Variants in CCSER2 observed in about 807,000 individuals in gnomAD.
CCSER2 encodes coiled-coil serine rich protein 2.
In CCSER2, 46 loss-of-function variants were observed where a neutral mutation model predicts 92.3. That is an observed-to-expected ratio of 0.50 (90% CI 0.39 to 0.64). The LOEUF is 0.64. Ranked by LOEUF, CCSER2 falls within the 30% of genes least tolerant of loss-of-function variation. The pLI is 0.00. For missense variants in CCSER2, 1,244 were observed against 1,238.9 expected (o/e 1.00, Z -0.06); for synonymous variants, 433 against 431.4 (o/e 1.00, Z -0.04).
rs1055026573 is a variant in CCSER2, at chr10:84,371,738, A to T, written c.686A>T (p.Gln229Leu). The T allele has an allele frequency of 6.2e-7, 1 of 1,613,600 alleles. No homozygotes were observed. Among genetic ancestry groups the T allele is most frequent in the African/African-American group, 1.3e-5 (1 of 75,038 alleles). The change falls in exon 2 of 10, where the codon CAG becomes CTG. Residue 229 changes from glutamine (Q) to leucine (L), a missense_variant. Gln to Leu is a moderately radical substitution (Grantham distance 113). Transcript: ENST00000372088. ...VRSQSFSHSI[Q>L]NSFLPPSSIT... ...TCACAAAGTTTTTCACATTCCATTC[A>T]GAATTCATTCCTTCCACCTTCATCT...
chr10:84,424,876 C>A, intron 4 of CCSER2: 1 of 337,270 alleles, frequency 3.0e-6, no homozygotes, highest in Non-Finnish European at 4.2e-6. Context: ...AGTCACAGGG[C>A]AAACTGGGCT....
Position 84,371,849 on chromosome 10 carries a change from G to A in CCSER2, c.797G>A (p.Arg266Gln), listed in dbSNP as rs769241896. ...CAGCTATCCATTAGAGTGCCTCTAC[G>A]GTCAAGTATGCTAACAAGAAATTCC... Reference protein sequence around the residue: ...NQQLSIRVPLRSSMLTRNSRQ... With the variant: ...NQQLSIRVPLQSSMLTRNSRQ... Residue 266 changes from arginine to glutamine, a missense_variant, in exon 2 of 10, where the codon CGG (arginine) becomes CAG (glutamine). Arg to Gln is a conservative substitution (Grantham distance 43). Coordinates refer to ENST00000372088, the MANE Select transcript of CCSER2 (RefSeq NM_001284240.2). 1.2e-6 allele frequency: 2 copies of A among 1,613,826 alleles called. No individual in the cohort carries two copies. Among genetic ancestry groups the A allele is most frequent in the East Asian group, 2.2e-5 (1 of 44,880 alleles).
intron 3 of CCSER2, among the ~76,000 whole-genome samples, chr10:84,415,107 G>A (rs1205588435): frequency 3.3e-5 from 5 of 152,236 alleles, no homozygotes; most frequent in East Asian, 1.9e-4. Context: ...TTAGCTCAGC[G>A]AAGTTTGTTG....
chr10:84,359,457 A>G (rs1250199945), intron 1 of CCSER2, among the ~76,000 whole-genome samples: 1 of 152,244 alleles, frequency 6.6e-6, no homozygotes, highest in East Asian at 1.9e-4. Flanking sequence ...AGGCTTTATT[A>G]AAACAAGATC....
At chr10:84,455,982 A>T in intron 6 of CCSER2, 1 of 596,766 alleles carries the variant, frequency 1.7e-6, no homozygotes, top group Non-Finnish European at 3.2e-6. Context: ...GGCATCACGT[A>T]CTCCTTTCCT....
chr10:84,451,877 TA>T (rs1427183476), intron 6 of CCSER2, among the ~76,000 whole-genome samples: 1 of 152,222 alleles, frequency 6.6e-6, no homozygotes, highest in Non-Finnish European at 1.5e-5. Context: ...TCAGATTTTA[TA>T]AGTCAGTGTT....
At chr10:84,390,884 T>C in intron 3 of CCSER2, 1 of 680,842 alleles carries the variant, frequency 1.5e-6, no homozygotes, top group African/African-American at 1.8e-5. Context: ...TCTAAGACCT[T>C]AACATGTATC....
chr10:84,481,179 G>A lies in CCSER2; in HGVS notation c.2325+3515G>A, dbSNP rs970069973. Among the ~76,000 whole-genome samples, 12 of 152,182 alleles carry A rather than the reference G, an allele frequency of 7.9e-5. No homozygotes were observed. The East Asian group carries it at 2.3e-3, about 29-fold the overall frequency. ...AAACGAGGAAATACAAGGGCAGGAG[G>A]GTTACCCCTTGTGCCCCACACTATC... On this transcript the variant is annotated intron_variant, in intron 9 of 9. Coordinates refer to ENST00000372088, the MANE Select transcript of CCSER2 (RefSeq NM_001284240.2).
rs767131060 is a variant in CCSER2 at position 84,373,682 on chromosome 10, G to A, written c.1481G>A (p.Arg494Lys). Reference sequence around the variant, plus strand: ...TTGGTTTCACCAGATACAGACTACAGAGCTGGTTCTTCGTTTGAACTCTCT... The same window carrying A: ...TTGGTTTCACCAGATACAGACTACAAAGCTGGTTCTTCGTTTGAACTCTCT... The part of the protein sequence containing the change: ...NNLVSPDTDY[R>K]AGSSFELSPS... Residue 494 changes from arginine (R) to lysine (K), a missense_variant, in exon 3 of 10, where the codon AGA (arginine) becomes AAA (lysine). Coordinates refer to ENST00000372088, the MANE Select transcript of CCSER2 (RefSeq NM_001284240.2). 1 of 1,613,590 alleles carries A rather than the reference G, an allele frequency of 6.2e-7. No homozygotes were observed. The highest frequency in any genetic ancestry group is 8.5e-7 in the Non-Finnish European group (1 of 1,179,686).
chr10:84,415,037 T>C (rs1268648351), intron 3 of CCSER2, among the ~76,000 whole-genome samples: 1 of 152,152 alleles, frequency 6.6e-6, no homozygotes, highest in African/African-American at 2.4e-5. Context: ...ATTTTGACTA[T>C]CAGCTCCTGT....
At chr10:84,346,637 A>G (rs2133043421) in intron 1 of CCSER2, among the ~76,000 whole-genome samples, 2 of 152,012 alleles carry the variant, frequency 1.3e-5, no homozygotes, top group Non-Finnish European at 2.9e-5. Flanking sequence ...CCAGAACTGA[A>G]AGGAGTCTAT....
Position 84,372,473 on chromosome 10 carries a change from A to T in CCSER2, c.1417+4A>T. 1 of 1,495,942 alleles carries T rather than the reference A, an allele frequency of 6.7e-7. No homozygotes were observed. Among genetic ancestry groups the T allele is most frequent in the Non-Finnish European group, 9.0e-7 (1 of 1,111,582 alleles). The allele number at this position is 1,495,942 out of a possible 1,614,324, so 92.7% of individuals were successfully genotyped here. On this transcript the variant is annotated splice_donor_region_variant and intron_variant, in intron 2 of 9. Coordinates refer to ENST00000372088, the MANE Select transcript of CCSER2 (RefSeq NM_001284240.2). The stretch of plus-strand genomic sequence containing the variant: ...TGGATAGATATAAGTGTCTCTGGTA[A>T]ATATTACTTACCTTAAGTTTTTTTG...
At chr10:84,449,774 G>T (rs1013162333) in intron 6 of CCSER2, among the ~76,000 whole-genome samples, 1 of 152,128 alleles carries the variant, frequency 6.6e-6, no homozygotes, top group African/African-American at 2.4e-5. Context: ...TTGAACCCAG[G>T]AGGCAGAGGT....
chr10:84,362,563 A>G (rs1564598700), intron 1 of CCSER2, among the ~76,000 whole-genome samples: 1 of 152,188 alleles, frequency 6.6e-6, no homozygotes, highest in Non-Finnish European at 1.5e-5. Flanking sequence ...GATCTGCATA[A>G]TAACCTTATT....
rs978095343 is a variant in CCSER2 at position 84,472,451 on chromosome 10, G to A, written c.2235+1993G>A. Reference sequence around the variant, plus strand: ...CTGGTTGTGGTGGTTCACGCCTGTAGTCCCCAGCTACTTGGGATGCTGAGG... The same window carrying A: ...CTGGTTGTGGTGGTTCACGCCTGTAATCCCCAGCTACTTGGGATGCTGAGG... On this transcript the variant is annotated intron_variant, in intron 8 of 9. Transcript: ENST00000372088. Among the ~76,000 whole-genome samples the A allele has an allele frequency of 7.2e-5, 11 of 152,146 alleles. No individual in the cohort carries two copies. The South Asian group carries it at 2.1e-3, about 29-fold the overall frequency.
chr10:84,489,367 G>A (rs546309293), intron 9 of CCSER2, among the ~76,000 whole-genome samples: 1 of 152,270 alleles, frequency 6.6e-6, no homozygotes, highest in Admixed American at 6.5e-5. Context: ...TATTGTGTGG[G>A]AGTCAGAGTC....
intron 1 of CCSER2, among the ~76,000 whole-genome samples, chr10:84,353,054 A>G (rs982971454): frequency 1.3e-5 from 2 of 152,222 alleles, no homozygotes; most frequent in Admixed American, 1.3e-4. Context: ...GGCCTCCCAA[A>G]GTGCTGGGAT....
chr10:84,373,473 C>G (rs1299452089), intron 2 of CCSER2, 146 bp from the exon 3 acceptor site: 7 of 580,066 alleles, frequency 1.2e-5, no homozygotes, highest in Non-Finnish European at 1.5e-5. Flanking sequence ...GTTTTTATTG[C>G]TTAGGATATA....
intron 3 of CCSER2, among the ~76,000 whole-genome samples, chr10:84,399,590 G>A (rs1326748410): frequency 6.6e-6 from 1 of 152,050 alleles, no homozygotes; most frequent in East Asian, 1.9e-4. Context: ...TAAGATAATG[G>A]CATTTTTTTA....
Sources: gnomAD v4.1 joint callset for allele counts (sites outside exome capture counted in the v4.1 genomes callset) on GRCh38, gnomAD v4.1.1 for gene constraint, MANE v1.5 for transcripts, NCBI Gene and HGNC (gene_info 2026-07-23, HGNC 2026-07-21) for gene names.